STIL: variants seen among roughly 807,000 people sequenced by gnomAD.
The protein encoded by STIL is STIL centriolar assembly protein, also known as SCL-interrupting locus protein.
A neutral mutation model predicts 110.1 loss-of-function variants in STIL; 55 were observed. The observed-to-expected ratio is 0.50, with a 90% CI of 0.40 to 0.63. The LOEUF is 0.63. Ranked by LOEUF, STIL falls within the 20% of genes least tolerant of loss-of-function variation. The pLI is 0.00. For missense variants in STIL, 1,358 were observed against 1,530.0 expected, an observed-to-expected ratio of 0.89 and a Z score of 1.87; for synonymous variants, 481 against 530.0, an observed-to-expected ratio of 0.91 and a Z score of 1.27.
intron 12 of STIL, among the ~76,000 whole-genome samples, chr1:47,279,345 G>A (rs1413522195): frequency 6.6e-6 from 1 of 151,456 alleles, no homozygotes; most frequent in Non-Finnish European, 1.5e-5. Context: ...CATAGTTATA[G>A]GATCATGAAA....
intron 4 of STIL, 61 bp downstream of exon 4, chr1:47,302,173 A>G (rs1370917158): frequency 4.0e-6 from 5 of 1,244,738 alleles, no homozygotes; most frequent in Non-Finnish European, 5.9e-6. Context: ...CTCCCACTCC[A>G]GCCTCCCAAC....
At position 47,251,065 on chromosome 1, in the gene STIL, G is replaced by C; in HGVS notation, c.*71C>G. 1.4e-6 allele frequency: 2 copies of C among 1,456,662 alleles called. No homozygotes were observed. The highest frequency in any genetic ancestry group is 1.9e-6 in the Non-Finnish European group (2 of 1,067,454). 90.2% of individuals were successfully genotyped at this position (1,456,662 alleles called of 1,614,324 possible). A position where few individuals can be genotyped will look rare whatever the true frequency, so the allele number is the denominator to read the frequency against. On this transcript the variant is annotated 3_prime_UTR_variant, in exon 17 of 17. Coordinates refer to ENST00000371877, the MANE Select transcript of STIL (RefSeq NM_001048166.1). Reference sequence around the variant, plus strand: ...CAGAATGATCAGGAGCCTTGTGGTAGGCTCCTGTTTTCCCTAAGTATCTTC... The same window carrying C: ...CAGAATGATCAGGAGCCTTGTGGTACGCTCCTGTTTTCCCTAAGTATCTTC...
intron 14 of STIL, among the ~76,000 whole-genome samples, chr1:47,265,260 A>AAAAAAAAAAAAAAAAAAAAAAAAAC (rs1553170532): frequency 2.7e-5 from 4 of 148,424 alleles, no homozygotes; most frequent in South Asian, 4.2e-4. Flanking sequence ...AAAAAAAAAA[A>AAAAAAAAAAAAAAAAAAAAAAAAAC]CACAAGATTG....
chr1:47,262,824 A>C, intron 15 of STIL, 79 bp downstream of exon 15: 1 of 1,366,532 alleles, frequency 7.3e-7, no homozygotes, highest in South Asian at 1.2e-5. Context: ...CAATCAGTTT[A>C]AACCTAGGAA....
intron 9 of STIL, 40 bp downstream of exon 9, chr1:47,289,395 C>G (rs749237699): frequency 1.3e-6 from 2 of 1,598,218 alleles, no homozygotes; most frequent in Admixed American, 3.4e-5. Flanking sequence ...GTGCAAAACC[C>G]TAAACAGTCA....
rs1012675964 is a variant in STIL, at chr1:47,297,980, C to G, written c.701+1925G>C. 6.6e-5 allele frequency among the ~76,000 whole-genome samples: 10 copies of G among 152,210 alleles called. No individual in the cohort carries two copies. In the East Asian group the frequency reaches 9.6e-4, roughly 15 times the overall value. On this transcript the variant is annotated intron_variant, in intron 6 of 16. Transcript: ENST00000371877. ...TTTAAACAAAAAATCCCATGCTCCACTTGAGAAGTACTTTATTAATTAAGA... is the reference window on the plus strand; with the variant it reads ...TTTAAACAAAAAATCCCATGCTCCAGTTGAGAAGTACTTTATTAATTAAGA...
intron 2 of STIL, among the ~76,000 whole-genome samples, chr1:47,306,049 A>T (rs948903735): frequency 6.6e-6 from 1 of 152,082 alleles, no homozygotes; most frequent in Non-Finnish European, 1.5e-5. Context: ...ATTTTTTAAA[A>T]AAGAAAATTC....
At chr1:47,293,685 C>A in intron 7 of STIL, 141 bp from the exon 8 acceptor site, 1 of 631,790 alleles carries the variant, frequency 1.6e-6, no homozygotes, top group Non-Finnish European at 2.8e-6. Context: ...AATCTAAAAA[C>A]GTGCTGATAA....
Position 47,265,829 on chromosome 1 carries a change from C to T in STIL, c.2616-2713G>A, listed in dbSNP as rs138422221. ...AAAGAAACAGTCTCTCTCTGTCACCCAGGCTGGAGTGCAGTGGCGTGATCA... is the reference window on the plus strand; with the variant it reads ...AAAGAAACAGTCTCTCTCTGTCACCTAGGCTGGAGTGCAGTGGCGTGATCA... On this transcript the variant is annotated intron_variant, in intron 14 of 16. Transcript: ENST00000371877. Among the ~76,000 whole-genome samples the T allele has an allele frequency of 5.6e-3, 853 of 151,252 alleles. 11 individuals carry two copies. Among genetic ancestry groups the T allele is most frequent in the African/African-American group, 0.02 (820 of 41,204 alleles).
chr1:47,288,135 C>T (rs1645360330), intron 9 of STIL, among the ~76,000 whole-genome samples: 3 of 149,374 alleles, frequency 2.0e-5, no homozygotes, highest in African/African-American at 7.3e-5. Flanking sequence ...AAAGAAGGTA[C>T]TAAATACGAT....
intron 14 of STIL, among the ~76,000 whole-genome samples, chr1:47,265,104 C>T (rs12069506): frequency 0.092 from 13,922 of 150,910 alleles, 2,115 homozygotes; most frequent in African/African-American, 0.32. Context: ...GGTGTGGTGG[C>T]GTACACTTGT....
At chr1:47,310,130 G>C in intron 2 of STIL, 146 bp downstream of exon 2, 1 of 648,578 alleles carries the variant, frequency 1.5e-6, no homozygotes, top group Admixed American at 2.7e-5. Flanking sequence ...ACTTGATCAC[G>C]GTCACCCACC....
intron 12 of STIL, among the ~76,000 whole-genome samples, chr1:47,274,946 G>A (rs1223688981): frequency 1.3e-5 from 2 of 151,852 alleles, no homozygotes; most frequent in African/African-American, 4.8e-5. Context: ...GAGGTCAGGA[G>A]TTCAAGACCA....
chr1:47,312,875 C>T (rs1242969413), intron 1 of STIL: 1 of 152,220 alleles, frequency 6.6e-6, no homozygotes, highest in African/African-American at 2.4e-5. Context: ...ACGTTCAAAT[C>T]ATCCTCACCC....
rs1430712607 is a variant in STIL at position 47,251,654 on chromosome 1, A to G, written c.3349T>C (p.Ser1117Pro). 1 of 1,614,166 alleles carries G rather than the reference A, an allele frequency of 6.2e-7. No individual in the cohort carries two copies. Reference sequence around the variant, plus strand: ...TTCATATATTTTTTGGTTGCAAATGACATGTTGTTTGGTGAAATTAAACTA... The same window carrying G: ...TTCATATATTTTTTGGTTGCAAATGGCATGTTGTTTGGTGAAATTAAACTA... ...GLSLISPNNM[S>P]FATKKYMKRY... The change falls in exon 17 of 17, where the codon TCA (serine) becomes CCA (proline). Residue 1117 changes from serine (S) to proline (P), a missense_variant. Physicochemically the swap from Ser to Pro is moderately conservative, Grantham distance 74. Transcript: ENST00000371877.
chr1:47,292,029 G>GTT (rs57716078), intron 8 of STIL, among the ~76,000 whole-genome samples: 2,133 of 138,046 alleles, frequency 0.015, 20 homozygotes, highest in African/African-American at 0.036. Flanking sequence ...CTTGTTTTTT[G>GTT]TTTTTTTTTT....
intron 4 of STIL, among the ~76,000 whole-genome samples, 181 bp from the exon 5 acceptor site, chr1:47,301,929 G>T (rs369437360): frequency 6.6e-6 from 1 of 152,082 alleles, no homozygotes; most frequent in Non-Finnish European, 1.5e-5. Flanking sequence ...AGTCTTACTT[G>T]CTTATATATA....
At chr1:47,279,532 T>G (rs374010101) in intron 12 of STIL, among the ~76,000 whole-genome samples, 1 of 151,572 alleles carries the variant, frequency 6.6e-6, no homozygotes, top group South Asian at 2.1e-4. Context: ...CCGTCGAGAC[T>G]ATGCTGGCCA....
At chr1:47,278,189 T>C (rs113884077) in intron 12 of STIL, among the ~76,000 whole-genome samples, 23 of 152,344 alleles carry the variant, frequency 1.5e-4, no homozygotes, top group African/African-American at 5.3e-4. Context: ...TGTTCACTGC[T>C]GCATTGTTTG....
Sources: allele counts gnomAD v4.1 joint callset (sites outside exome capture counted in the v4.1 genomes callset), GRCh38; gene constraint gnomAD v4.1.1; transcripts MANE v1.5; gene names NCBI Gene and HGNC (gene_info 2026-07-23, HGNC 2026-07-21).